The following ADAMTSL1 variants were observed in gnomAD, a reference collection of about 807,000 sequenced individuals.
ADAMTSL1 encodes the protein ADAMTS-like protein 1.
ADAMTSL1 carries 126 observed loss-of-function variants against 201.8 expected under a neutral mutation model. That is an observed-to-expected ratio of 0.62 (90% CI 0.54 to 0.72). The LOEUF is 0.72. ADAMTSL1 is among the 30% of genes least tolerant of loss of function. The pLI is 0.00. For missense variants in ADAMTSL1, 2,679 were observed against 2,277.8 expected, an observed-to-expected ratio of 1.18 and a Z score of -3.59; for synonymous variants, 1,121 against 903.4, an observed-to-expected ratio of 1.24 and a Z score of -4.32.
chr9:18,464,673 T>C (rs1314672160), intron 2 of ADAMTSL1, among the ~76,000 whole-genome samples: 1 of 152,224 alleles, frequency 6.6e-6, no homozygotes, highest in Non-Finnish European at 1.5e-5. Flanking sequence ...TCCTTCTCCT[T>C]AAGAGAGTGG....
intron 1 of ADAMTSL1, among the ~76,000 whole-genome samples, chr9:18,141,335 C>A (rs895657977): frequency 6.6e-6 from 1 of 152,156 alleles, no homozygotes; most frequent in Non-Finnish European, 1.5e-5. Context: ...GCCCAGGGAA[C>A]TATAGGCTGG....
At chr9:18,833,577 TA>T (rs1825130841) in intron 23 of ADAMTSL1, among the ~76,000 whole-genome samples, 2 of 152,234 alleles carry the variant, frequency 1.3e-5, no homozygotes, top group Admixed American at 6.5e-5. Flanking sequence ...TTAAGTTCCT[TA>T]TAGATGCTGG....
At chr9:18,845,756 A>G (rs1484130075) in intron 23 of ADAMTSL1, among the ~76,000 whole-genome samples, 1 of 152,226 alleles carries the variant, frequency 6.6e-6, no homozygotes, top group Non-Finnish European at 1.5e-5. Context: ...AAGGTGAAGG[A>G]ATTACTTCTT....
intron 2 of ADAMTSL1, among the ~76,000 whole-genome samples, chr9:18,180,737 T>G (rs547176272): frequency 4.9e-4 from 74 of 152,108 alleles, no homozygotes; most frequent in African/African-American, 1.6e-3. Context: ...TTCAATGCCA[T>G]CCCCATCAAG....
At chr9:18,281,060 TAG>T (rs1286686813) in intron 2 of ADAMTSL1, among the ~76,000 whole-genome samples, 1 of 151,962 alleles carries the variant, frequency 6.6e-6, no homozygotes, top group Non-Finnish European at 1.5e-5. Context: ...ACATTTCTTG[TAG>T]AGACAGGTGT....
At chr9:18,219,909 A>T (rs1423548047) in intron 2 of ADAMTSL1, among the ~76,000 whole-genome samples, 4 of 152,036 alleles carry the variant, frequency 2.6e-5, no homozygotes, top group Non-Finnish European at 5.9e-5. Flanking sequence ...TTTTTTTTCT[A>T]TAGACTTGCT....
chr9:18,325,816 C>T (rs558649700), intron 2 of ADAMTSL1, among the ~76,000 whole-genome samples: 143 of 152,086 alleles, frequency 9.4e-4, no homozygotes, highest in South Asian at 4.4e-3. Flanking sequence ...TCTCTGCTCA[C>T]TGCAACCTCC....
intron 19 of ADAMTSL1, among the ~76,000 whole-genome samples, chr9:18,790,054 C>G (rs1821932625): frequency 6.6e-6 from 1 of 152,002 alleles, no homozygotes; most frequent in African/African-American, 2.4e-5. Flanking sequence ...TGTCTGACAA[C>G]TAGAAATTCC....
chr9:18,251,521 C>T (rs1468552938), intron 2 of ADAMTSL1, among the ~76,000 whole-genome samples: 2 of 152,220 alleles, frequency 1.3e-5, no homozygotes, highest in African/African-American at 4.8e-5. Flanking sequence ...ATTATAAATG[C>T]TTATCCTTTA....
chr9:17,989,568 G>A (rs775599813), intron 1 of ADAMTSL1, among the ~76,000 whole-genome samples: 3 of 151,992 alleles, frequency 2.0e-5, no homozygotes, highest in Non-Finnish European at 4.4e-5. Flanking sequence ...AGAATTAAAA[G>A]TGATGCACAC....
intron 6 of ADAMTSL1, 49 bp from the exon 7 acceptor site, chr9:18,639,205 G>T (rs774739164): frequency 6.3e-7 from 1 of 1,589,648 alleles, no homozygotes; most frequent in Non-Finnish European, 8.6e-7. Context: ...CTTGCCTGTG[G>T]TTGCCCTAGG....
intron 5 of ADAMTSL1, among the ~76,000 whole-genome samples, chr9:18,627,029 G>A (rs1336125524): frequency 6.8e-6 from 1 of 148,098 alleles, no homozygotes; most frequent in East Asian, 2.0e-4. Flanking sequence ...AGGCTTCAGT[G>A]CAGTGGCACT....
chr9:18,730,539 G>T (rs1818154193), intron 15 of ADAMTSL1, among the ~76,000 whole-genome samples: 1 of 152,204 alleles, frequency 6.6e-6, no homozygotes. Flanking sequence ...TTTTCATAGT[G>T]AATTCTTCCG....
chr9:18,892,779 T>C (rs1285187151), intron 26 of ADAMTSL1, among the ~76,000 whole-genome samples, 183 bp downstream of exon 26: 1 of 152,166 alleles, frequency 6.6e-6, no homozygotes, highest in African/African-American at 2.4e-5. Flanking sequence ...TTTAATTCTT[T>C]GTGTAATTCT....
At chr9:18,067,971 C>T (rs573287366) in intron 1 of ADAMTSL1, among the ~76,000 whole-genome samples, 161 of 151,960 alleles carry the variant, frequency 1.1e-3, no homozygotes, top group Admixed American at 2.6e-3. Context: ...GAAAAGCTTT[C>T]GACAGGATAA....
At chr9:18,736,209 C>G (rs79460656) in intron 15 of ADAMTSL1, among the ~76,000 whole-genome samples, 1 of 152,128 alleles carries the variant, frequency 6.6e-6, no homozygotes, top group Non-Finnish European at 1.5e-5. Context: ...TCACAAGATG[C>G]GCCCCACTGT....
intron 1 of ADAMTSL1, among the ~76,000 whole-genome samples, chr9:17,975,501 G>A (rs1818409518): frequency 6.6e-6 from 1 of 151,922 alleles, no homozygotes; most frequent in South Asian, 2.1e-4. Flanking sequence ...CATTCGTGAG[G>A]GCTGAGCCTA....
chr9:17,931,172 C>T (rs954613999), intron 1 of ADAMTSL1, among the ~76,000 whole-genome samples: 1 of 152,170 alleles, frequency 6.6e-6, no homozygotes, highest in Non-Finnish European at 1.5e-5. Flanking sequence ...CATGATACTG[C>T]ACTTTTATCT....
At chr9:17,906,945 C>G (rs1383683135) in intron 1 of ADAMTSL1, 1 of 152,296 alleles carries the variant, frequency 6.6e-6, no homozygotes, top group Non-Finnish European at 1.5e-5. Context: ...GTGCGTCTTG[C>G]GTCCCTCCCG....
Sources: allele counts gnomAD v4.1 joint callset (sites outside exome capture counted in the v4.1 genomes callset), GRCh38; gene constraint gnomAD v4.1.1; transcripts MANE v1.5; gene names NCBI Gene and HGNC (gene_info 2026-07-23, HGNC 2026-07-21).